COL22A1: variants seen among roughly 807,000 people sequenced by gnomAD.
COL22A1 encodes collagen type XXII alpha 1 chain.
COL22A1 carries 221 observed loss-of-function variants against 248.9 expected under a neutral mutation model. That is an observed-to-expected ratio of 0.89 (90% CI 0.80 to 0.99). The LOEUF is 0.99. COL22A1 is among the 50% of genes least tolerant of loss of function. The probability of loss-of-function intolerance (pLI) is 0.00; values close to 1 mark genes in which losing one functional copy is unlikely to be tolerated. For synonymous variants in COL22A1, 891 were observed against 793.4 expected (o/e 1.12, Z -2.07); for missense variants, 2,240 against 2,179.0 (o/e 1.03, Z -0.56).
chr8:138,596,793 T>A (rs1003363406), intron 62 of COL22A1, 111 bp downstream of exon 62: 13 of 943,298 alleles, frequency 1.4e-5, no homozygotes, highest in Non-Finnish European at 2.0e-5. Context: ...ACACTTGAGC[T>A]GCCGGTCAAG....
intron 3 of COL22A1, among the ~76,000 whole-genome samples, chr8:138,874,415 A>T (rs995830521): frequency 3.3e-5 from 5 of 152,032 alleles, no homozygotes; most frequent in Non-Finnish European, 7.4e-5. Flanking sequence ...TCCTTGAGGG[A>T]GCTGGGCTGG....
chr8:138,681,606 T>C (rs1825968505), intron 39 of COL22A1, among the ~76,000 whole-genome samples: 1 of 152,106 alleles, frequency 6.6e-6, no homozygotes, highest in African/African-American at 2.4e-5. Context: ...GGGAAAGAAG[T>C]GGAGCCCCTG....
At chr8:138,616,676 T>C (rs977440713) in intron 54 of COL22A1, among the ~76,000 whole-genome samples, 2 of 152,224 alleles carry the variant, frequency 1.3e-5, no homozygotes, top group African/African-American at 2.4e-5. Context: ...CAGACTTATT[T>C]GGCCAAACTG....
chr8:138,822,950 T>C (rs1330369770), intron 6 of COL22A1, among the ~76,000 whole-genome samples: 1 of 152,226 alleles, frequency 6.6e-6, no homozygotes, highest in African/African-American at 2.4e-5. Context: ...CATTTCTTGT[T>C]GGTTTCCTTA....
chr8:138,708,956 A>G (rs902082369), intron 30 of COL22A1, among the ~76,000 whole-genome samples: 2 of 151,980 alleles, frequency 1.3e-5, no homozygotes, highest in African/African-American at 4.8e-5. Context: ...AAATCAAAAA[A>G]CCCCATCAAA....
chr8:138,891,217 A>G (rs1825044376), intron 1 of COL22A1, among the ~76,000 whole-genome samples: 1 of 152,236 alleles, frequency 6.6e-6, no homozygotes, highest in Non-Finnish European at 1.5e-5. Flanking sequence ...AAGAAGAAAG[A>G]TATCTCATCT....
At chr8:138,591,541 C>T (rs756102729) in intron 63 of COL22A1, 40 bp from the exon 64 acceptor site, 62 of 1,453,812 alleles carry the variant, frequency 4.3e-5, no homozygotes, top group East Asian at 1.0e-4. Context: ...TGGAGACCCC[C>T]GGGGAGGACA....
At chr8:138,694,129 A>C (rs1827302105) in intron 34 of COL22A1, among the ~76,000 whole-genome samples, 1 of 152,112 alleles carries the variant, frequency 6.6e-6, no homozygotes. Context: ...CAGCACTGCC[A>C]CTCCATGACT....
Position 138,594,044 on chromosome 8 carries a change from C to T in COL22A1, c.4588G>A (p.Gly1530Arg). ...PGRPGQGGLE[G>R]PSGPIGPKGE... ...TTGGGACCTATGGGTCCAGAGGGTC[C>T]TTCCAGACCCCCCTGCCCAGGACGA... The change falls in exon 63 of 65, where the codon GGA becomes AGA. Residue 1530 changes from glycine (G) to arginine (R), a missense_variant. Transcript: ENST00000303045. 1.3e-6 allele frequency: 2 copies of T among 1,585,686 alleles called. No individual in the cohort carries two copies. The highest frequency in any genetic ancestry group is 1.7e-6 in the Non-Finnish European group (2 of 1,170,824).
intron 52 of COL22A1, among the ~76,000 whole-genome samples, chr8:138,623,412 T>C (rs939240003): frequency 6.6e-6 from 1 of 151,822 alleles, no homozygotes; most frequent in South Asian, 2.1e-4. Flanking sequence ...GCTTCCTCTA[T>C]CACATCAATA....
chr8:138,778,226 C>T, intron 15 of COL22A1, 127 bp downstream of exon 15: 2 of 961,708 alleles, frequency 2.1e-6, no homozygotes, highest in Non-Finnish European at 3.3e-6. Context: ...GATACCAACA[C>T]TTCATTGGCA....
At chr8:138,842,561 G>T (rs1009715343) in intron 4 of COL22A1, among the ~76,000 whole-genome samples, 9 of 152,306 alleles carry the variant, frequency 5.9e-5, no homozygotes, top group Middle Eastern at 3.4e-3. Flanking sequence ...CCAGAGCCTC[G>T]CTGGGGATTA....
chr8:138,625,320 G>A (rs1820145446), intron 51 of COL22A1, among the ~76,000 whole-genome samples: 1 of 151,866 alleles, frequency 6.6e-6, no homozygotes, highest in South Asian at 2.1e-4. Flanking sequence ...AGTGCATTCT[G>A]GGAATCAAAA....
Position 138,685,301 on chromosome 8 carries a change from C to T in COL22A1, c.2874G>A (p.Gly958=), listed in dbSNP as rs1457112891. 3 of 1,613,438 alleles carry T rather than the reference C, an allele frequency of 1.9e-6. No homozygotes were observed. Among genetic ancestry groups the T allele is most frequent in the South Asian group, 1.1e-5 (1 of 91,000 alleles). Residue 958 remains glycine, a synonymous_variant, in exon 38 of 65, where the codon GGG becomes GGA. Transcript: ENST00000303045. ...DGERGEKGAA[G]EEGSPGPVGP... Reference sequence around the variant, plus strand: ...CAACTGGCCCTGGGCTGCCTTCTTCCCCCGCTGCACCCTGGAAAGAAAAGT... The same window carrying T: ...CAACTGGCCCTGGGCTGCCTTCTTCTCCCGCTGCACCCTGGAAAGAAAAGT...
chr8:138,758,729 G>T (rs1374193628), intron 18 of COL22A1, among the ~76,000 whole-genome samples: 1 of 152,176 alleles, frequency 6.6e-6, no homozygotes, highest in African/African-American at 2.4e-5. Context: ...TATCACCTGA[G>T]CTTCACTGGT....
Position 138,833,208 on chromosome 8 carries a change from G to C in COL22A1, c.734-58C>G, listed in dbSNP as rs567389748. 3.0e-4 allele frequency: 369 copies of C among 1,233,270 alleles called. 1 individual carries two copies. The highest frequency in any genetic ancestry group is 4.0e-4 in the Non-Finnish European group (330 of 834,334). 76.4% of individuals were successfully genotyped at this position (1,233,270 alleles called of 1,614,324 possible). On this transcript the variant is annotated intron_variant, in intron 4 of 64. Transcript: ENST00000303045. ...GAGAAGGAAGAGTATAAGAGACAAA[G>C]GAAAATCACATCCGCTGTCTGCAAA...
At chr8:138,836,303 GGGAAAGGGAAAA>G (rs370235738) in intron 4 of COL22A1, among the ~76,000 whole-genome samples, 29 of 151,678 alleles carry the variant, frequency 1.9e-4, no homozygotes, top group African/African-American at 7.1e-4. Context: ...GGAAAGGAAA[GGGAAAGGGAAAA>G]GGAAAAGGAA....
intron 22 of COL22A1, among the ~76,000 whole-genome samples, chr8:138,742,634 G>GTGATGGTGATGGTGGAGT (rs1201708618): frequency 6.6e-6 from 1 of 151,654 alleles, no homozygotes; most frequent in South Asian, 2.1e-4. Flanking sequence ...GGTAGTGATT[G>GTGATGGTGATGGTGGAGT]TGATGGTGAT....
At chr8:138,746,953 G>T (rs552999520) in intron 22 of COL22A1, among the ~76,000 whole-genome samples, 1 of 152,304 alleles carries the variant, frequency 6.6e-6, no homozygotes, top group South Asian at 2.1e-4. Context: ...TGCAACCCGG[G>T]CCCTGCCACT....
Sources: gnomAD v4.1 joint callset for allele counts (sites outside exome capture counted in the v4.1 genomes callset) on GRCh38, gnomAD v4.1.1 for gene constraint, MANE v1.5 for transcripts, NCBI Gene and HGNC (gene_info 2026-07-23, HGNC 2026-07-21) for gene names.